Variants in ZNF589 observed in about 807,000 individuals in gnomAD.
ZNF589 encodes the protein zinc finger protein 589.
A neutral mutation model predicts 13.6 loss-of-function variants in ZNF589; 17 were observed. That is an observed-to-expected ratio of 1.25 (90% CI 0.86 to 1.88). ZNF589 has a LOEUF of 1.88. ZNF589 is among the 40% of genes most tolerant of loss of function. ZNF589 has a pLI of 0.00. For missense variants in ZNF589, 407 were observed against 434.0 expected (o/e 0.94, Z 0.55); for synonymous variants, 148 against 161.6 (o/e 0.92, Z 0.64).
At chr3:48,247,506 G>C (rs1559979584) in intron 1 of ZNF589, 119 bp from the exon 2 acceptor site, 3 of 995,036 alleles carry the variant, frequency 3.0e-6, no homozygotes, top group Non-Finnish European at 4.6e-6. Flanking sequence ...GAGGAGCTCA[G>C]GGTCTGGGTC....
chr3:48,267,352 C>T (rs1304215741), intron 3 of ZNF589, among the ~76,000 whole-genome samples: 1 of 152,116 alleles, frequency 6.6e-6, no homozygotes, highest in Non-Finnish European at 1.5e-5. Flanking sequence ...GAGGCCAGAC[C>T]CTTTATCAGC....
Position 48,267,980 on chromosome 3 carries a change from C to T in ZNF589, c.289C>T (p.Leu97Phe). Residue 97 changes from leucine to phenylalanine, a missense_variant, in exon 4 of 4, where the codon CTC becomes TTC. Coordinates refer to ENST00000354698, the MANE Select transcript of ZNF589 (RefSeq NM_016089.3). ...TCTGGCCTTTGGCAGTCAGCAGTTC[C>T]TCAGCCAAGATGAGCTACACAATCA... ...CPLAFGSQQF[L>F]SQDELHNHPI... 2.5e-6 allele frequency: 4 copies of T among 1,613,926 alleles called. No individual in the cohort carries two copies. The highest frequency in any genetic ancestry group is 3.4e-6 in the Non-Finnish European group (4 of 1,180,042).
rs35060812 is a variant in ZNF589, at chr3:48,265,271, C to CTT, written c.224-2615_224-2614dup. On this transcript the variant is annotated intron_variant, in intron 3 of 3. Transcript: ENST00000354698. ...ACAGGCATGAGCCACTGTGCCCGGC[C>CTT]TTTTTTTTTTTTTTTTTTTTTTTTT... Among the ~76,000 whole-genome samples the CTT allele has an allele frequency of 2.2e-3, 103 of 47,894 alleles. 12 individuals carry two copies. The highest frequency in any genetic ancestry group is 4.7e-3 in the African/African-American group (61 of 12,864). 31.4% of individuals were successfully genotyped at this position (47,894 alleles called of 152,430 possible). A position where few individuals can be genotyped will look rare whatever the true frequency, so the allele number is the denominator to read the frequency against.
intron 2 of ZNF589, among the ~76,000 whole-genome samples, chr3:48,252,617 CTTTTTTTTTTTTTT>C (rs71625863): frequency 5.1e-5 from 5 of 97,286 alleles, no homozygotes; most frequent in African/African-American, 1.8e-4. Context: ...AGAATAATAT[CTTTTTTTTTTTTTT>C]TTTTTTTTTT....
rs748448494 is a variant in ZNF589, at chr3:48,267,938, A to G, written c.247A>G (p.Thr83Ala). 6 of 1,611,730 alleles carry G rather than the reference A, an allele frequency of 3.7e-6. No homozygotes were observed. Among genetic ancestry groups the G allele is most frequent in the South Asian group, 3.3e-5 (3 of 91,062 alleles). Residue 83 changes from threonine to alanine, a missense_variant, in exon 4 of 4, where the codon ACC becomes GCC. Thr to Ala is a moderately conservative substitution (Grantham distance 58). Transcript: ENST00000354698. ...AGCAGAATCAAAGCCAGAAGTCCAT[A>G]CCTGCCCTTCTTGCCCTCTGGCCTT... is the stretch of plus-strand genomic sequence containing the variant. ...SLAESKPEVHTCPSCPLAFGS... is the reference protein window; with the variant it reads ...SLAESKPEVHACPSCPLAFGS...
rs867819065 is a variant in ZNF589, at chr3:48,247,505, A to G, written c.44-120A>G. The G allele has an allele frequency of 4.1e-5, 40 of 970,306 alleles. No individual in the cohort carries two copies. The Middle Eastern group carries it at 1.0e-3, about 24-fold the overall frequency. 60.1% of individuals were successfully genotyped at this position (970,306 alleles called of 1,614,324 possible). A position where few individuals can be genotyped will look rare whatever the true frequency, so the allele number is the denominator to read the frequency against. On this transcript the variant is annotated intron_variant, in intron 1 of 3. Transcript: ENST00000354698. ...ATAAGGCAGGAGGTGAGAGGAGCTC[A>G]GGGTCTGGGTCAGCTGAGAAGGCTC...
chr3:48,251,604 C>T (rs564209268), intron 2 of ZNF589, among the ~76,000 whole-genome samples: 4 of 151,198 alleles, frequency 2.6e-5, no homozygotes, highest in Admixed American at 1.3e-4. Flanking sequence ...CTTTAAGTTG[C>T]GGTGATTTTT....
At chr3:48,255,556 C>T (rs1404681083) in intron 2 of ZNF589, among the ~76,000 whole-genome samples, 3 of 135,256 alleles carry the variant, frequency 2.2e-5, no homozygotes, top group Non-Finnish European at 3.0e-5. Flanking sequence ...TGCAGTAGTG[C>T]GATCTTGGCT....
chr3:48,259,773 G>A (rs2033949266), intron 2 of ZNF589, among the ~76,000 whole-genome samples: 1 of 152,028 alleles, frequency 6.6e-6, no homozygotes, highest in African/African-American at 2.4e-5. Flanking sequence ...AAAAAAATTA[G>A]CCAGGTGTGG....
chr3:48,255,175 A>ACTT (rs916683501), intron 2 of ZNF589, among the ~76,000 whole-genome samples: 1 of 145,990 alleles, frequency 6.8e-6, no homozygotes, highest in African/African-American at 2.5e-5. Flanking sequence ...GAGAGCTATT[A>ACTT]CTTCTTTTTT....
intron 1 of ZNF589, among the ~76,000 whole-genome samples, chr3:48,242,740 G>A (rs566487197): frequency 2.1e-4 from 32 of 152,158 alleles, no homozygotes; most frequent in Admixed American, 1.8e-3. Context: ...GCATTGCCGT[G>A]TTCCAATAAA....
chr3:48,247,607 G>T lies in ZNF589; in HGVS notation c.44-18G>T, dbSNP rs576473975. On this transcript the variant is annotated intron_variant, in intron 1 of 3. Coordinates refer to ENST00000354698, the MANE Select transcript of ZNF589 (RefSeq NM_016089.3). ...CTGGTAGGGCTGGCTTCTCAAGGTTGCTTCTTTCTTTCCCCAGCTCTGCCT... is the reference window on the plus strand; with the variant it reads ...CTGGTAGGGCTGGCTTCTCAAGGTTTCTTCTTTCTTTCCCCAGCTCTGCCT... The T allele has an allele frequency of 6.2e-7, 1 of 1,611,186 alleles. No homozygotes were observed.
In ZNF589 at chr3:48,270,200, A is replaced by G. The variant is rs929627250; in HGVS notation, c.*1414A>G. On this transcript the variant is annotated 3_prime_UTR_variant, in exon 4 of 4. Transcript: ENST00000354698. ...CACCTTTAGATTTTACTCAGAGTTC[A>G]GTCTCCAGCCCTACAATCTGAGGGA... is the stretch of plus-strand genomic sequence containing the variant. 3 of 457,108 alleles carry G rather than the reference A, an allele frequency of 6.6e-6. No homozygotes were observed. The highest frequency in any genetic ancestry group is 1.3e-5 in the Non-Finnish European group (3 of 227,088). The allele number at this position is 457,108 out of a possible 1,614,324, so 28.3% of individuals were successfully genotyped here.
At chr3:48,256,607 T>C (rs1011698881) in intron 2 of ZNF589, 4 of 803,664 alleles carry the variant, frequency 5.0e-6, no homozygotes, top group Non-Finnish European at 8.7e-6. Flanking sequence ...CTTGCAGTTC[T>C]CTTCCCGTCA....
chr3:48,269,065 C>T lies in ZNF589; in HGVS notation c.*279C>T. 1.6e-6 allele frequency: 1 copy of T among 638,092 alleles called. No individual in the cohort carries two copies. The highest frequency in any genetic ancestry group is 2.7e-6 in the Non-Finnish European group (1 of 364,952). 39.5% of individuals were successfully genotyped at this position (638,092 alleles called of 1,614,324 possible). A position where few individuals can be genotyped will look rare whatever the true frequency, so the allele number is the denominator to read the frequency against. On this transcript the variant is annotated 3_prime_UTR_variant, in exon 4 of 4. Transcript: ENST00000354698. The stretch of plus-strand genomic sequence containing the variant: ...GGCGGGGATTTAGCCGGAGGATAGT[C>T]CTCAATGGACACTGGAGGACACACA...
At chr3:48,246,621 T>A (rs571711571) in intron 1 of ZNF589, among the ~76,000 whole-genome samples, 58 of 152,250 alleles carry the variant, frequency 3.8e-4, no homozygotes, top group African/African-American at 1.3e-3. Context: ...GACACATTTT[T>A]AAAAAATATT....
At chr3:48,241,998 G>A (rs566130612) in intron 1 of ZNF589, among the ~76,000 whole-genome samples, 92 of 152,152 alleles carry the variant, frequency 6.0e-4, no homozygotes, top group South Asian at 2.7e-3. Flanking sequence ...TTTTAGTAGA[G>A]AGGGGATTTC....
At chr3:48,257,309 G>C (rs2033914542) in intron 2 of ZNF589, among the ~76,000 whole-genome samples, 1 of 151,902 alleles carries the variant, frequency 6.6e-6, no homozygotes, top group Non-Finnish European at 1.5e-5. Flanking sequence ...TCCCAGGCTG[G>C]AGTGCAGTGG....
At chr3:48,256,915 C>T (rs1446886814) in intron 2 of ZNF589, 4 of 724,636 alleles carry the variant, frequency 5.5e-6, no homozygotes, top group Admixed American at 2.1e-5. Flanking sequence ...CACAGCCAGA[C>T]ACCAGAGCCT....
Sources: gnomAD v4.1 joint callset for allele counts (sites outside exome capture counted in the v4.1 genomes callset) on GRCh38, gnomAD v4.1.1 for gene constraint, MANE v1.5 for transcripts, NCBI Gene and HGNC (gene_info 2026-07-23, HGNC 2026-07-21) for gene names.